Variants in GOLPH3L observed in about 807,000 individuals in gnomAD.
GOLPH3L encodes Golgi phosphoprotein 3-like.
Under a neutral mutation model 30.3 loss-of-function variants are expected in GOLPH3L, and 22 were observed. That is an observed-to-expected ratio of 0.73 (90% CI 0.52 to 1.04). The LOEUF (loss-of-function observed/expected upper bound fraction) is 1.04. Among genes scored for constraint, GOLPH3L ranks in the 50% least tolerant of loss-of-function variants. The pLI, the probability that GOLPH3L is intolerant of heterozygous loss-of-function variation, is 0.00. For synonymous variants in GOLPH3L, 120 were observed against 128.2 expected (o/e 0.94, Z 0.43); for missense variants, 303 against 345.8 (o/e 0.88, Z 0.98).
At chr1:150,678,111 C>A (rs1300780629) in intron 2 of GOLPH3L, among the ~76,000 whole-genome samples, 2 of 150,960 alleles carry the variant, frequency 1.3e-5, no homozygotes, top group African/African-American at 4.9e-5. Flanking sequence ...ACCAGCCTTA[C>A]CAACATGGAG....
intron 1 of GOLPH3L, among the ~76,000 whole-genome samples, chr1:150,695,845 G>C (rs1309953554): frequency 6.6e-6 from 1 of 150,648 alleles, no homozygotes; most frequent in Non-Finnish European, 1.5e-5. Flanking sequence ...TACACAAGGA[G>C]CTGCAAACAA....
intron 2 of GOLPH3L, among the ~76,000 whole-genome samples, chr1:150,690,062 C>G (rs587628058): frequency 6.6e-6 from 1 of 152,198 alleles, no homozygotes; most frequent in East Asian, 1.9e-4. Context: ...ACACAGCTCA[C>G]TCCAGCCTTG....
chr1:150,666,252 C>T (rs369942610), intron 2 of GOLPH3L, among the ~76,000 whole-genome samples: 4 of 152,120 alleles, frequency 2.6e-5, no homozygotes, highest in African/African-American at 7.2e-5. Flanking sequence ...TTTTTTCTTT[C>T]CTTCTAGGAC....
At chr1:150,658,399 T>A (rs1650296114) in intron 4 of GOLPH3L, among the ~76,000 whole-genome samples, 1 of 152,234 alleles carries the variant, frequency 6.6e-6, no homozygotes, top group South Asian at 2.1e-4. Context: ...GGCATATTTA[T>A]CAATCTTGGC....
chr1:150,652,988 T>C (rs1650158849), intron 4 of GOLPH3L, among the ~76,000 whole-genome samples: 1 of 151,898 alleles, frequency 6.6e-6, no homozygotes, highest in African/African-American at 2.4e-5. Flanking sequence ...CATAGAGATG[T>C]AATACGTGTA....
intron 4 of GOLPH3L, among the ~76,000 whole-genome samples, chr1:150,652,225 A>G (rs943934230): frequency 1.3e-5 from 2 of 151,890 alleles, no homozygotes; most frequent in Non-Finnish European, 2.9e-5. Context: ...TCTTTCAGAA[A>G]TAAAAGCAAA....
chr1:150,676,049 C>T (rs1306664840), intron 2 of GOLPH3L, among the ~76,000 whole-genome samples: 1 of 149,710 alleles, frequency 6.7e-6, no homozygotes, highest in East Asian at 2.0e-4. Context: ...ACATGGCTCA[C>T]TGTAGCCCCA....
intron 2 of GOLPH3L, among the ~76,000 whole-genome samples, chr1:150,689,703 A>T (rs11204701): frequency 0.17 from 26,063 of 151,792 alleles, 2,766 homozygotes; most frequent in East Asian, 0.27. Flanking sequence ...AGAGTGCAGT[A>T]GTGTGACCTT....
chr1:150,669,895 G>C (rs765815442), intron 2 of GOLPH3L, among the ~76,000 whole-genome samples: 2 of 151,906 alleles, frequency 1.3e-5, no homozygotes, highest in Non-Finnish European at 2.9e-5. Flanking sequence ...CTGGGAGGTG[G>C]AGGTTGCAGT....
chr1:150,656,737 T>C (rs1365463214), intron 4 of GOLPH3L, among the ~76,000 whole-genome samples: 1 of 152,220 alleles, frequency 6.6e-6, no homozygotes, highest in Non-Finnish European at 1.5e-5. Flanking sequence ...GAAAAAATTA[T>C]TGTCCCTCTC....
Position 150,694,829 on chromosome 1 carries a change from A to C in GOLPH3L, c.10T>G (p.Leu4Val). The part of the protein sequence containing the change: MTT[L>V]THRARRTEIS... ...TCAGTGCGACGGGCCCGGTGAGTTA[A>C]AGTGGTCATTCTCACCTGTTTCTGG... The change falls in exon 2 of 5, where the codon TTA (leucine) becomes GTA (valine). Residue 4 changes from leucine (L) to valine (V), a missense_variant. Physicochemically the swap from Leu to Val is conservative, Grantham distance 32 (BLOSUM62 1). Coordinates refer to ENST00000271732, the MANE Select transcript of GOLPH3L (RefSeq NM_018178.6). The C allele has an allele frequency of 6.2e-7, 1 of 1,605,878 alleles. No individual in the cohort carries two copies. The highest frequency in any genetic ancestry group is 8.5e-7 in the Non-Finnish European group (1 of 1,176,580).
intron 3 of GOLPH3L, 80 bp downstream of exon 3, chr1:150,663,552 C>G (rs891687616): frequency 7.6e-7 from 1 of 1,321,584 alleles, no homozygotes; most frequent in African/African-American, 1.5e-5. Flanking sequence ...TCTTACTACT[C>G]AAATCTTTCT....
intron 2 of GOLPH3L, among the ~76,000 whole-genome samples, chr1:150,664,169 T>A (rs1417883781): frequency 6.6e-6 from 1 of 151,946 alleles, no homozygotes; most frequent in East Asian, 1.9e-4. Flanking sequence ...TGGCTGTTTT[T>A]AAAAAAAATT....
intron 2 of GOLPH3L, among the ~76,000 whole-genome samples, chr1:150,685,241 T>C (rs1651053625): frequency 6.6e-6 from 1 of 152,232 alleles, no homozygotes; most frequent in Admixed American, 6.5e-5. Flanking sequence ...TCTGACATTA[T>C]TGATGCCTAG....
chr1:150,696,645 A>G (rs895639549), intron 1 of GOLPH3L, among the ~76,000 whole-genome samples: 4 of 152,178 alleles, frequency 2.6e-5, no homozygotes, highest in African/African-American at 9.7e-5. Context: ...TATTTCAAAT[A>G]TAATTTGTTA....
In GOLPH3L at chr1:150,678,075, G is replaced by A. The variant is rs185834916; in HGVS notation, c.184-14312C>T. 2.4e-4 allele frequency among the ~76,000 whole-genome samples: 37 copies of A among 151,486 alleles called. No homozygotes were observed. The East Asian group carries it at 5.7e-3, about 23-fold the overall frequency. On this transcript the variant is annotated intron_variant, in intron 2 of 4. Coordinates refer to ENST00000271732, the MANE Select transcript of GOLPH3L (RefSeq NM_018178.6). Reference sequence around the variant, plus strand: ...AGCACTTTGGGAGGCTGATGTGGGCGGATCACCTGAAGTCAGGAGTTCGAG... The same window carrying A: ...AGCACTTTGGGAGGCTGATGTGGGCAGATCACCTGAAGTCAGGAGTTCGAG...
At chr1:150,664,817 T>TA (rs1378740570) in intron 2 of GOLPH3L, among the ~76,000 whole-genome samples, 1 of 152,192 alleles carries the variant, frequency 6.6e-6, no homozygotes, top group African/African-American at 2.4e-5. Context: ...TTGGTTATGT[T>TA]ACTTAAACTT....
chr1:150,673,856 T>G (rs1179913828), intron 2 of GOLPH3L, among the ~76,000 whole-genome samples: 9 of 134,228 alleles, frequency 6.7e-5, no homozygotes, highest in African/African-American at 2.3e-4. Flanking sequence ...ACCCGGGAGG[T>G]GGAGGTTGCA....
At chr1:150,691,074 A>G (rs1212506826) in intron 2 of GOLPH3L, among the ~76,000 whole-genome samples, 23 of 151,942 alleles carry the variant, frequency 1.5e-4, no homozygotes, top group Admixed American at 9.8e-4. Flanking sequence ...CAGGTGGATC[A>G]CTTGAGATCA....
Sources: allele counts gnomAD v4.1 joint callset (sites outside exome capture counted in the v4.1 genomes callset), GRCh38; gene constraint gnomAD v4.1.1; transcripts MANE v1.5; gene names NCBI Gene and HGNC (gene_info 2026-07-23, HGNC 2026-07-21).